AVEN: variants seen among roughly 807,000 people sequenced by gnomAD.
AVEN encodes the protein apoptosis and caspase activation inhibitor, also known as cell death regulator Aven.
In AVEN, 41 loss-of-function variants were observed where a neutral mutation model predicts 38.1. That is an observed-to-expected ratio of 1.08 (90% CI 0.84 to 1.40). The LOEUF is 1.40. Ranked by LOEUF, AVEN falls within the 40% of genes most tolerant of loss-of-function variation. AVEN has a pLI of 0.00. For missense variants in AVEN, 605 were observed against 438.8 expected, an observed-to-expected ratio of 1.38 and a Z score of -3.38; for synonymous variants, 206 against 171.8, an observed-to-expected ratio of 1.20 and a Z score of -1.56.
chr15:34,045,009 C>A (rs968459343), intron 5 of AVEN, among the ~76,000 whole-genome samples: 5 of 152,194 alleles, frequency 3.3e-5, no homozygotes, highest in Admixed American at 1.3e-4. Context: ...GATCGTGCCA[C>A]TGCACTCCAG....
At chr15:33,995,571 T>C (rs966855282) in intron 2 of AVEN, among the ~76,000 whole-genome samples, 3 of 152,146 alleles carry the variant, frequency 2.0e-5, no homozygotes, top group Admixed American at 6.6e-5. Context: ...TCAAAAGCAA[T>C]TGCAACAAAA....
intron 1 of AVEN, among the ~76,000 whole-genome samples, chr15:34,029,871 G>A (rs1201017737): frequency 6.6e-6 from 1 of 152,130 alleles, no homozygotes; most frequent in Non-Finnish European, 1.5e-5. Context: ...CAGCCTTGTA[G>A]TAAAAGGAAA....
chr15:34,057,130 TG>T (rs909855959), intron 5 of AVEN, among the ~76,000 whole-genome samples: 2 of 50,584 alleles, frequency 4.0e-5, no homozygotes, highest in Non-Finnish European at 2.0e-4. Context: ...AGAAGAGTTT[TG>T]GTTTTTTTTG....
At chr15:33,870,382 G>C (rs973711639) in intron 4 of AVEN, among the ~76,000 whole-genome samples, 1 of 152,112 alleles carries the variant, frequency 6.6e-6, no homozygotes, top group Non-Finnish European at 1.5e-5. Context: ...AGCTGACTGG[G>C]TCTTTCTCGT....
intron 1 of AVEN, among the ~76,000 whole-genome samples, chr15:34,014,369 A>AT (rs1274332317): frequency 3.1e-5 from 1 of 32,330 alleles, no homozygotes; most frequent in African/African-American, 5.3e-5. Context: ...CATCTCATTA[A>AT]AAAAAAAAAA....
At chr15:33,902,705 G>A (rs1279184532) in intron 2 of AVEN, among the ~76,000 whole-genome samples, 1 of 152,146 alleles carries the variant, frequency 6.6e-6, no homozygotes, top group Non-Finnish European at 1.5e-5. Context: ...AATGAACTCA[G>A]TAAAGTTGCA....
chr15:33,873,128 G>A (rs1330381224), intron 3 of AVEN, among the ~76,000 whole-genome samples: 3 of 121,248 alleles, frequency 2.5e-5, no homozygotes, highest in Middle Eastern at 0.012. Context: ...TTGAGATGGA[G>A]TCTCTCTGTT....
intron 2 of AVEN, among the ~76,000 whole-genome samples, chr15:33,965,083 G>C (rs148536720): frequency 7.3e-4 from 111 of 152,238 alleles, no homozygotes; most frequent in African/African-American, 2.4e-3. Context: ...GTCTGCCTCA[G>C]AGCTGTTAAA....
chr15:34,052,957 A>G (rs993080060), intron 5 of AVEN, among the ~76,000 whole-genome samples: 1 of 152,168 alleles, frequency 6.6e-6, no homozygotes, highest in African/African-American at 2.4e-5. Context: ...ATCTCATGAA[A>G]CTACCATTGA....
At chr15:33,881,291 G>A (rs116558978) in intron 2 of AVEN, among the ~76,000 whole-genome samples, 232 of 152,148 alleles carry the variant, frequency 1.5e-3, no homozygotes, top group African/African-American at 5.3e-3. Flanking sequence ...TTGCTATATT[G>A]CCCAGACTGG....
chr15:33,858,158 C>T, downstream of AVEN: 1 of 495,738 alleles, frequency 2.0e-6, no homozygotes, highest in Non-Finnish European at 3.6e-6. Context: ...GGGAAGCACC[C>T]TGCACAGTGG....
intron 2 of AVEN, among the ~76,000 whole-genome samples, chr15:33,902,906 A>G (rs1385869303): frequency 6.6e-6 from 1 of 152,182 alleles, no homozygotes; most frequent in African/African-American, 2.4e-5. Flanking sequence ...AGTCTCTCCT[A>G]TAGTTTGATG....
At position 33,871,032 on chromosome 15, in the gene AVEN, T is replaced by G; in HGVS notation, c.517-2A>C. 7.4e-7 allele frequency: 1 copy of G among 1,351,758 alleles called. No individual in the cohort carries two copies. Among genetic ancestry groups the G allele is most frequent in the African/African-American group, 1.5e-5 (1 of 66,350 alleles). 83.7% of individuals were successfully genotyped at this position (1,351,758 alleles called of 1,614,324 possible). Reference sequence around the variant, plus strand: ...ACTATCCACATAAAATGCTGAATTCTATATATATATATAAAAGAAAATAAA... The same window carrying G: ...ACTATCCACATAAAATGCTGAATTCGATATATATATATAAAAGAAAATAAA... On this transcript the variant is annotated splice_acceptor_variant, in intron 3 of 5. Coordinates refer to ENST00000306730, the MANE Select transcript of AVEN (RefSeq NM_020371.3). LOFTEE classifies it high-confidence loss of function.
chr15:33,870,309 A>C (rs1035591592), intron 4 of AVEN, among the ~76,000 whole-genome samples: 2 of 151,890 alleles, frequency 1.3e-5, no homozygotes, highest in Non-Finnish European at 2.9e-5. Context: ...ACTTACCCCC[A>C]CACATGCACT....
chr15:33,984,899 C>T (rs984863193), intron 2 of AVEN, among the ~76,000 whole-genome samples: 1 of 151,890 alleles, frequency 6.6e-6, no homozygotes, highest in South Asian at 2.1e-4. Flanking sequence ...TGTGCCATGT[C>T]CTGTGTCATA....
At chr15:33,873,496 A>G (rs571881716) in intron 3 of AVEN, among the ~76,000 whole-genome samples, 1 of 148,180 alleles carries the variant, frequency 6.7e-6, no homozygotes, top group African/African-American at 2.5e-5. Context: ...TATATATAAT[A>G]TATAATATAT....
chr15:33,985,620 A>G (rs551779418), intron 2 of AVEN, among the ~76,000 whole-genome samples: 1 of 151,920 alleles, frequency 6.6e-6, no homozygotes, highest in South Asian at 2.1e-4. Flanking sequence ...TCTCCCAACA[A>G]TATTCTGAAA....
At chr15:34,068,326 C>A (rs2140854668) in intron 2 of AVEN, among the ~76,000 whole-genome samples, 1 of 151,644 alleles carries the variant, frequency 6.6e-6, no homozygotes, top group South Asian at 2.1e-4. Context: ...CCACCTCAGC[C>A]TCCCAAGTAG....
At chr15:33,857,219 GGTAA>G (rs1391649713), downstream of AVEN, among the ~76,000 whole-genome samples, 12 of 136,178 alleles carry the variant, frequency 8.8e-5, no homozygotes, top group Admixed American at 5.5e-4. Context: ...TTCTGGAGGC[GGTAA>G]GTAAGTCCAG....
Sources: gnomAD v4.1 joint callset for allele counts (sites outside exome capture counted in the v4.1 genomes callset) on GRCh38, gnomAD v4.1.1 for gene constraint, MANE v1.5 for transcripts, NCBI Gene and HGNC (gene_info 2026-07-23, HGNC 2026-07-21) for gene names.